PRDM16: variants seen among roughly 807,000 people sequenced by gnomAD.
PRDM16 encodes PR/SET domain 16.
Under a neutral mutation model 110.6 loss-of-function variants are expected in PRDM16, and 23 were observed. The ratio of observed to expected loss-of-function variants is 0.21; its 90% CI spans 0.15 to 0.29. PRDM16 has a LOEUF of 0.29. Among genes scored for constraint, PRDM16 ranks in the 10% least tolerant of loss-of-function variants. The pLI is 1.00. For synonymous variants in PRDM16, 799 were observed against 781.8 expected (o/e 1.02, Z -0.37); for missense variants, 1,615 against 1,794.3 (o/e 0.90, Z 1.81).
intron 1 of PRDM16, among the ~76,000 whole-genome samples, chr1:3,144,138 A>G (rs973412118): frequency 6.6e-6 from 1 of 152,110 alleles, no homozygotes; most frequent in Admixed American, 6.5e-5. Context: ...TGGACCCAGC[A>G]CTATGGGAGG....
chr1:3,168,302 CT>C (rs71580204), intron 1 of PRDM16, among the ~76,000 whole-genome samples: 583 of 37,672 alleles, frequency 0.015, 102 homozygotes, highest in Middle Eastern at 0.029. Flanking sequence ...CGCCCCACCC[CT>C]GCCTCCCAGT....
chr1:3,311,834 A>G (rs1641468156), intron 3 of PRDM16, among the ~76,000 whole-genome samples: 1 of 152,112 alleles, frequency 6.6e-6, no homozygotes, highest in South Asian at 2.1e-4. Flanking sequence ...TCCCAGATAG[A>G]CCCAGAAGGC....
At chr1:3,235,761 AT>A (rs1480262706) in intron 2 of PRDM16, among the ~76,000 whole-genome samples, 1 of 152,074 alleles carries the variant, frequency 6.6e-6, no homozygotes, top group African/African-American at 2.4e-5. Flanking sequence ...GGTCCCTGCC[AT>A]GTAGACCCCG....
At chr1:3,105,938 G>A (rs1395803958) in intron 1 of PRDM16, among the ~76,000 whole-genome samples, 1 of 101,072 alleles carries the variant, frequency 9.9e-6, no homozygotes, top group East Asian at 4.0e-4. Flanking sequence ...TCCTTAGTGT[G>A]CCCCGGGGTC....
In PRDM16 at chr1:3,436,310, C is replaced by T. The variant is rs535897026; in HGVS notation, c.*2499C>T. ...CAGAACCGATGAGAGCCGCCCTTACCGTTGGTCTCCGGATCCCCCAGTCCC... is the reference window on the plus strand; with the variant it reads ...CAGAACCGATGAGAGCCGCCCTTACTGTTGGTCTCCGGATCCCCCAGTCCC... On this transcript the variant is annotated 3_prime_UTR_variant, in exon 17 of 17. Coordinates refer to ENST00000270722, the MANE Select transcript of PRDM16 (RefSeq NM_022114.4). 9.1e-5 allele frequency: 21 copies of T among 231,250 alleles called. No individual in the cohort carries two copies. Among genetic ancestry groups the T allele is most frequent in the Non-Finnish European group, 1.3e-4 (15 of 116,808 alleles). 14.3% of individuals were successfully genotyped at this position (231,250 alleles called of 1,614,324 possible).
chr1:3,087,114 G>A (rs1162980456), intron 1 of PRDM16, among the ~76,000 whole-genome samples: 1 of 152,060 alleles, frequency 6.6e-6, no homozygotes, highest in African/African-American at 2.4e-5. Context: ...TCCTTTGGAG[G>A]TGAAGGGTTA....
At chr1:3,193,774 A>G (rs1385937197) in intron 2 of PRDM16, among the ~76,000 whole-genome samples, 1 of 152,186 alleles carries the variant, frequency 6.6e-6, no homozygotes, top group Non-Finnish European at 1.5e-5. Flanking sequence ...GGTGGTCAGG[A>G]AAGCTCCCAA....
chr1:3,130,969 G>T (rs1643323136), intron 1 of PRDM16, among the ~76,000 whole-genome samples: 1 of 152,048 alleles, frequency 6.6e-6, no homozygotes, highest in African/African-American at 2.4e-5. Flanking sequence ...GAGTTTGTGG[G>T]GTGGAGGAGA....
chr1:3,143,594 A>C lies in PRDM16; in HGVS notation c.38-42531A>C, dbSNP rs1643592429. 6.6e-6 allele frequency among the ~76,000 whole-genome samples: 1 copy of C among 152,136 alleles called. No homozygotes were observed. Among genetic ancestry groups the C allele is most frequent in the African/African-American group, 2.4e-5 (1 of 41,428 alleles). ...CCGGGTTCAAGGATTCTCCTGCCTC[A>C]GCCTCCTGAGTAGCTGGGATTACAG... is the stretch of plus-strand genomic sequence containing the variant. On this transcript the variant is annotated intron_variant, in intron 1 of 16. Transcript: ENST00000270722. This position sits in a 1 kb window ranked among gnomAD's most constrained non-coding sequence, Gnocchi z 4.5.
chr1:3,416,480 C>T (rs1316137691), intron 10 of PRDM16, among the ~76,000 whole-genome samples: 1 of 152,198 alleles, frequency 6.6e-6, no homozygotes, highest in African/African-American at 2.4e-5. Flanking sequence ...CCCTTGATGA[C>T]GCAGGTCCTC....
At chr1:3,186,855 C>T (rs1644274787) in intron 2 of PRDM16, among the ~76,000 whole-genome samples, 1 of 152,186 alleles carries the variant, frequency 6.6e-6, no homozygotes, top group African/African-American at 2.4e-5. Flanking sequence ...CATTCCAGGC[C>T]AGGGCAGTGT....
chr1:3,092,994 C>T (rs1196011419), intron 1 of PRDM16, among the ~76,000 whole-genome samples: 1 of 152,138 alleles, frequency 6.6e-6, no homozygotes, highest in African/African-American at 2.4e-5. Flanking sequence ...ACCGAGGTGG[C>T]GTCCCACCTC....
chr1:3,122,518 G>C (rs1643116109), intron 1 of PRDM16, among the ~76,000 whole-genome samples: 1 of 152,174 alleles, frequency 6.6e-6, no homozygotes, highest in Non-Finnish European at 1.5e-5. Flanking sequence ...GGCCCACCTG[G>C]GGGCTGCGAG....
At position 3,434,570 on chromosome 1, in the gene PRDM16, C is replaced by G. The variant is rs979117390; in HGVS notation, c.*759C>G. ...GAACCATGCAGACGGCCGAAGAAGTCTTAGGCAGGGCGCCCTGGGCTGCAG... is the reference window on the plus strand; with the variant it reads ...GAACCATGCAGACGGCCGAAGAAGTGTTAGGCAGGGCGCCCTGGGCTGCAG... On this transcript the variant is annotated 3_prime_UTR_variant, in exon 17 of 17. Coordinates refer to ENST00000270722, the MANE Select transcript of PRDM16 (RefSeq NM_022114.4). The G allele has an allele frequency of 1.3e-5, 3 of 232,000 alleles. No individual in the cohort carries two copies. The highest frequency in any genetic ancestry group is 2.6e-5 in the Non-Finnish European group (3 of 117,346). The allele number at this position is 232,000 out of a possible 1,614,324, so 14.4% of individuals were successfully genotyped here.
At chr1:3,303,816 C>A (rs1641256766) in intron 3 of PRDM16, among the ~76,000 whole-genome samples, 1 of 146,380 alleles carries the variant, frequency 6.8e-6, no homozygotes, top group Non-Finnish European at 1.5e-5. Context: ...GCGCAGGAGG[C>A]CGTGGGCTCT....
At chr1:3,378,774 C>T (rs1433602545) in intron 3 of PRDM16, among the ~76,000 whole-genome samples, 6 of 152,066 alleles carry the variant, frequency 3.9e-5, no homozygotes, top group African/African-American at 1.5e-4. Flanking sequence ...GCCCAAGAAG[C>T]CAGGCCTGAG....
chr1:3,306,512 CT>C (rs1168469947), intron 3 of PRDM16: 3 of 152,212 alleles, frequency 2.0e-5, no homozygotes, highest in African/African-American at 7.2e-5. Flanking sequence ...CACAGACAGA[CT>C]TTTGTCTTAT....
chr1:3,322,169 G>C (rs545578736), intron 3 of PRDM16, among the ~76,000 whole-genome samples: 1 of 150,504 alleles, frequency 6.6e-6, no homozygotes, highest in South Asian at 2.1e-4. Context: ...GTGTGTGTGT[G>C]CTGTGCACAC....
At chr1:3,412,904 G>A (rs1021024278) in intron 9 of PRDM16, 104 bp downstream of exon 9, 8 of 990,602 alleles carry the variant, frequency 8.1e-6, no homozygotes, top group African/African-American at 3.5e-5. Flanking sequence ...CTCCAAGGTC[G>A]TCCCCCGGCC....
Sources: gnomAD v4.1 joint callset for allele counts (sites outside exome capture counted in the v4.1 genomes callset) on GRCh38, gnomAD v4.1.1 for gene constraint, Gnocchi (gnomAD v3.1) non-coding constraint, MANE v1.5 for transcripts, NCBI Gene and HGNC (gene_info 2026-07-23, HGNC 2026-07-21) for gene names.